USP24: variants seen among roughly 807,000 people sequenced by gnomAD.
USP24 encodes the protein ubiquitin carboxyl-terminal hydrolase 24.
In USP24, 97 loss-of-function variants were observed where a neutral mutation model predicts 361.6. The observed-to-expected ratio is 0.27, with a 90% CI of 0.23 to 0.32. The LOEUF (loss-of-function observed/expected upper bound fraction) is 0.32. Ranked by LOEUF, USP24 falls within the 10% of genes least tolerant of loss-of-function variation. The pLI is 1.00. For synonymous variants in USP24, 1,098 were observed against 1,124.6 expected (o/e 0.98, Z 0.47); for missense variants, 2,353 against 3,165.6 (o/e 0.74, Z 6.16).
chr1:55,125,287 G>T (rs1399570545), intron 34 of USP24, 33 bp downstream of exon 34: 3 of 1,588,294 alleles, frequency 1.9e-6, no homozygotes, highest in East Asian at 4.5e-5. Flanking sequence ...GAATAAGAGG[G>T]ACTAAAATGT....
intron 56 of USP24, among the ~76,000 whole-genome samples, chr1:55,084,697 G>T (rs1055902547): frequency 3.3e-5 from 5 of 152,200 alleles, no homozygotes; most frequent in Non-Finnish European, 5.9e-5. Flanking sequence ...AGATAAAGTG[G>T]GTGGCAAGAG....
At chr1:55,146,455 G>A (rs1239998650) in intron 19 of USP24, among the ~76,000 whole-genome samples, 5 of 152,172 alleles carry the variant, frequency 3.3e-5, no homozygotes, top group South Asian at 2.1e-4. Flanking sequence ...TGTCAAATAA[G>A]ATGAGGAAAA....
At position 55,166,005 on chromosome 1, in the gene USP24, T is replaced by TA; in HGVS notation, c.862-56_862-55insT. 6 of 1,532,884 alleles carry TA rather than the reference T, an allele frequency of 3.9e-6. No homozygotes were observed. The Middle Eastern group carries it at 6.9e-4, about 175-fold the overall frequency. The allele number at this position is 1,532,884 out of a possible 1,614,324, so 95.0% of individuals were successfully genotyped here. A position where few individuals can be genotyped will look rare whatever the true frequency, so the allele number is the denominator to read the frequency against. ...ATTTTTCTCTTTAATTTTTTTATTT[T>TA]GAAAAATTTCTATTGGTACATAGTA... On this transcript the variant is annotated intron_variant, in intron 6 of 67. Transcript: ENST00000294383.
chr1:55,130,354 G>A (rs1248434551), intron 31 of USP24, among the ~76,000 whole-genome samples: 1 of 152,142 alleles, frequency 6.6e-6, no homozygotes, highest in Non-Finnish European at 1.5e-5. Context: ...AAGATTGAAG[G>A]ATTAAATACT....
intron 28 of USP24, among the ~76,000 whole-genome samples, chr1:55,136,222 A>C (rs1383889628): frequency 6.6e-6 from 1 of 152,194 alleles, no homozygotes; most frequent in African/African-American, 2.4e-5. Flanking sequence ...AGCCACCTGC[A>C]TCAGGAAAGA....
chr1:55,073,410 G>A (rs1439877838), intron 64 of USP24, among the ~76,000 whole-genome samples: 3 of 152,202 alleles, frequency 2.0e-5, no homozygotes, highest in East Asian at 1.9e-4. Context: ...TCTTGACACG[G>A]TGCCTGGGTT....
chr1:55,133,638 CTTTTTT>C (rs34336736), intron 30 of USP24, among the ~76,000 whole-genome samples: 1 of 126,836 alleles, frequency 7.9e-6, no homozygotes, highest in Non-Finnish European at 1.7e-5. Context: ...CTCTCTCTCT[CTTTTTT>C]TTTTTTTTTT....
At chr1:55,071,044 G>T (rs1157787279) in intron 67 of USP24, 2 of 739,308 alleles carry the variant, frequency 2.7e-6, no homozygotes, top group Non-Finnish European at 3.3e-6. Flanking sequence ...TCACTGTGCT[G>T]GGCTGCAGTT....
rs923707689 is a variant in USP24, at chr1:55,101,021, T to G, written c.5146-57A>C. On this transcript the variant is annotated intron_variant, in intron 43 of 67. Coordinates refer to ENST00000294383, the MANE Select transcript of USP24 (RefSeq NM_015306.3). ...ATATTTAAAATGCTTCACAGGAAAC[T>G]CTGACATATGTACATGTTAGTACCC... The G allele has an allele frequency of 2.5e-6, 4 of 1,580,904 alleles. No homozygotes were observed. The African/African-American group carries it at 5.5e-5, about 22-fold the overall frequency.
chr1:55,175,925 C>T (rs1369449054), intron 3 of USP24, among the ~76,000 whole-genome samples: 1 of 152,170 alleles, frequency 6.6e-6, no homozygotes, highest in East Asian at 1.9e-4. Flanking sequence ...GTGAGAATAC[C>T]TAGTCAATCT....
chr1:55,069,111 CAGAAA>C lies in USP24; in HGVS notation c.7801-9_7801-5del, dbSNP rs769029936. The C allele has an allele frequency of 1.2e-6, 2 of 1,613,876 alleles. No homozygotes were observed. The highest frequency in any genetic ancestry group is 1.3e-5 in the African/African-American group (1 of 75,010). On this transcript the variant is annotated splice_polypyrimidine_tract_variant and splice_region_variant and intron_variant, in intron 67 of 67. Transcript: ENST00000294383. ...TCATCATGGGAGATTCTGAACCCTGCAGAAAAGAAAAGGAAGTTAAAGTTCATACG... is the reference window on the plus strand; with the variant it reads ...TCATCATGGGAGATTCTGAACCCTGCAGAAAAGGAAGTTAAAGTTCATACG...
At chr1:55,106,013 T>C in intron 41 of USP24, 133 bp downstream of exon 41, 1 of 752,592 alleles carries the variant, frequency 1.3e-6, no homozygotes, top group Non-Finnish European at 2.3e-6. Context: ...TGTGCATTTC[T>C]TCATTTAGTG....
At chr1:55,105,122 G>A (rs1306808980) in intron 41 of USP24, among the ~76,000 whole-genome samples, 2 of 152,048 alleles carry the variant, frequency 1.3e-5, no homozygotes, top group Non-Finnish European at 2.9e-5. Flanking sequence ...ATTTATGGAG[G>A]AACTACTTTT....
chr1:55,141,808 T>A lies in USP24; in HGVS notation c.2635-77A>T, dbSNP rs532793769. The A allele has an allele frequency of 8.7e-6, 12 of 1,386,184 alleles. No homozygotes were observed. In the South Asian group the frequency reaches 1.4e-4, roughly 16 times the overall value. 85.9% of individuals were successfully genotyped at this position (1,386,184 alleles called of 1,614,324 possible). On this transcript the variant is annotated intron_variant, in intron 23 of 67. Coordinates refer to ENST00000294383, the MANE Select transcript of USP24 (RefSeq NM_015306.3). The stretch of plus-strand genomic sequence containing the variant: ...TAGTGACATTCTGGACAGGATAATT[T>A]GCTGTTGCAGAGGGCTGTCCTGGGC...
At position 55,128,477 on chromosome 1, in the gene USP24, G is replaced by A. The variant is rs1474868937; in HGVS notation, c.3635+1000C>T. 8.6e-5 allele frequency among the ~76,000 whole-genome samples: 13 copies of A among 152,034 alleles called. 1 individual carries two copies. The highest frequency in any genetic ancestry group is 7.9e-4 in the Admixed American group (12 of 15,262). ...GGCAACTGAGGTTCCCAAGACAGGC[G>A]ATGCGTCTTCATGCTCTCACTCACC... On this transcript the variant is annotated intron_variant, in intron 32 of 67. Coordinates refer to ENST00000294383, the MANE Select transcript of USP24 (RefSeq NM_015306.3).
intron 17 of USP24, among the ~76,000 whole-genome samples, chr1:55,148,209 C>T (rs1647084946): frequency 1.3e-5 from 2 of 149,094 alleles, no homozygotes; most frequent in South Asian, 4.2e-4. Context: ...GCCATTCTAA[C>T]TTTTAAAAAC....
chr1:55,078,652 C>G lies in USP24; in HGVS notation c.7201-1G>C. 1 of 1,602,190 alleles carries G rather than the reference C, an allele frequency of 6.2e-7. No homozygotes were observed. The highest frequency in any genetic ancestry group is 8.5e-7 in the Non-Finnish European group (1 of 1,176,466). On this transcript the variant is annotated splice_acceptor_variant, in intron 60 of 67. Transcript: ENST00000294383. LOFTEE classifies it high-confidence loss of function. ...TCAGCTCCCGCAAAGCAAACATTAC[C>G]TGGTGGGAAGACATAACACAGTCAG... is the stretch of plus-strand genomic sequence containing the variant.
rs1246956044 is a variant in USP24, at chr1:55,165,907, T to C, written c.905A>G (p.His302Arg). The C allele has an allele frequency of 1.2e-6, 2 of 1,607,580 alleles. No individual in the cohort carries two copies. The highest frequency in any genetic ancestry group is 4.5e-5 in the East Asian group (2 of 44,684). The part of the protein sequence containing the change: ...GGFAAIQAKL[H>R]SEDIELGAVS... Reference sequence around the variant, plus strand: ...TACCCCAAGTTCTATATCTTCTGAATGGAGCTTGGCTTGGATTGCTGCAAA... The same window carrying C: ...TACCCCAAGTTCTATATCTTCTGAACGGAGCTTGGCTTGGATTGCTGCAAA... Residue 302 changes from histidine (H) to arginine (R), a missense_variant, in exon 7 of 68, where the codon CAT becomes CGT. His to Arg is a conservative substitution (Grantham distance 29). Around this residue, in one of 8 missense-constraint regions of USP24, gnomAD observed 386 missense variants for 560.5 expected, o/e 0.69. Coordinates refer to ENST00000294383, the MANE Select transcript of USP24 (RefSeq NM_015306.3).
intron 1 of USP24, among the ~76,000 whole-genome samples, chr1:55,183,219 G>A (rs929291208): frequency 6.6e-6 from 1 of 152,114 alleles, no homozygotes; most frequent in Non-Finnish European, 1.5e-5. Context: ...TCCTGGTTTT[G>A]ATAAATATAC....
Sources: allele counts gnomAD v4.1 joint callset (sites outside exome capture counted in the v4.1 genomes callset), GRCh38; gene constraint gnomAD v4.1.1; regional missense constraint gnomAD v4.1.1; transcripts MANE v1.5; gene names NCBI Gene and HGNC (gene_info 2026-07-23, HGNC 2026-07-21).